ECD: variants seen among roughly 807,000 people sequenced by gnomAD.
The protein encoded by ECD is protein ecdysoneless homolog.
A neutral mutation model predicts 77.2 loss-of-function variants in ECD; 59 were observed. The ratio of observed to expected loss-of-function variants is 0.76; its 90% confidence interval spans 0.62 to 0.95. The LOEUF (loss-of-function observed/expected upper bound fraction) is 0.95. ECD is among the 40% of genes least tolerant of loss of function. The pLI, the probability that ECD is intolerant of heterozygous loss-of-function variation, is 0.00. For synonymous variants in ECD, 233 were observed against 267.4 expected (o/e 0.87, Z 1.26); for missense variants, 704 against 763.4 (o/e 0.92, Z 0.92).
chr10:73,146,325 G>A lies in ECD; in HGVS notation c.1078C>T (p.Leu360=), dbSNP rs1259265477. ...TGGAAGTAATTCTCTGCCATTTCTA[G>A]CCTTTCCCGGTACTGAGCAGAACCT... ...IEGSAQYRER[L]EMAENYFQLS... is the part of the protein sequence containing the mutation. The change falls in exon 9 of 14, where the codon CTA becomes TTA. Residue 360 remains leucine (L), a synonymous_variant. Transcript: ENST00000372979. The A allele has an allele frequency of 1.2e-6, 2 of 1,609,922 alleles. No individual in the cohort carries two copies. The highest frequency in any genetic ancestry group is 1.7e-6 in the Non-Finnish European group (2 of 1,177,746).
At position 73,163,886 on chromosome 10, in the gene ECD, G is replaced by T; in HGVS notation, c.52C>A (p.Leu18Met). The T allele has an allele frequency of 1.2e-6, 2 of 1,614,162 alleles. No homozygotes were observed. Among genetic ancestry groups the T allele is most frequent in the Non-Finnish European group, 1.7e-6 (2 of 1,180,038 alleles). Residue 18 changes from leucine (L) to methionine (M), a missense_variant, in exon 2 of 14, where the codon CTG becomes ATG. By Grantham distance (15) the Leu-to-Met change is conservative (BLOSUM62 2). Around this residue, in one of 3 missense-constraint regions of ECD, gnomAD observed 559 missense variants for 583.7 expected, o/e 0.96. Coordinates refer to ENST00000372979, the MANE Select transcript of ECD (RefSeq NM_007265.3). ...CTTGACTCATCTGGTATCAGGAACA[G>T]GCAGTACTCCACTGTGTCTTCCATC... ...ATMEDTVEYC[L>M]FLIPDESRDS...
At chr10:73,135,675 C>T (rs777368042) in intron 13 of ECD, among the ~76,000 whole-genome samples, 47 of 151,698 alleles carry the variant, frequency 3.1e-4, no homozygotes, top group Non-Finnish European at 5.9e-4. Flanking sequence ...GAGCCAAGAT[C>T]GTGCCACTGT....
At chr10:73,142,903 T>C (rs1344497357) in intron 9 of ECD, among the ~76,000 whole-genome samples, 1 of 152,150 alleles carries the variant, frequency 6.6e-6, no homozygotes, top group Non-Finnish European at 1.5e-5. Context: ...AAAACTTCCT[T>C]AGAAAGGCCT....
chr10:73,153,173 C>T (rs1225383934), intron 6 of ECD, among the ~76,000 whole-genome samples: 3 of 151,898 alleles, frequency 2.0e-5, no homozygotes, highest in Non-Finnish European at 4.4e-5. Context: ...CCACCTTGGC[C>T]TCCCAAACCT....
intron 7 of ECD, 57 bp from the exon 8 acceptor site, chr10:73,148,461 A>G: frequency 1.3e-6 from 2 of 1,576,510 alleles, no homozygotes; most frequent in African/African-American, 2.7e-5. Context: ...GTATCTTATT[A>G]TAACACATTA....
At chr10:73,160,017 G>C (rs1398591763) in intron 3 of ECD, among the ~76,000 whole-genome samples, 1 of 151,590 alleles carries the variant, frequency 6.6e-6, no homozygotes, top group Non-Finnish European at 1.5e-5. Flanking sequence ...GGGCGCGGTG[G>C]CTTACGCCTG....
intron 9 of ECD, among the ~76,000 whole-genome samples, chr10:73,145,523 G>A (rs925591340): frequency 9.2e-5 from 14 of 152,050 alleles, no homozygotes; most frequent in South Asian, 4.1e-4. Flanking sequence ...TTATCCTGGT[G>A]TGCAGAATGG....
rs1351953407 is a variant in ECD, at chr10:73,134,525, G to A, written c.*58C>T. The A allele has an allele frequency of 2.8e-6, 4 of 1,439,358 alleles. No individual in the cohort carries two copies. In the Admixed American group the frequency reaches 6.0e-5, roughly 22 times the overall value. The allele number at this position is 1,439,358 out of a possible 1,614,324, so 89.2% of individuals were successfully genotyped here. ...TAAATGAGTAATCTAAACTAGAAAT[G>A]AACAGAATCATATTCAATATTTATT... On this transcript the variant is annotated 3_prime_UTR_variant, in exon 14 of 14. Transcript: ENST00000372979.
chr10:73,135,378 A>G (rs545094626), intron 13 of ECD, among the ~76,000 whole-genome samples: 3 of 152,168 alleles, frequency 2.0e-5, no homozygotes, highest in South Asian at 2.1e-4. Context: ...TACCCAAAGC[A>G]TTGTCCATGG....
intron 9 of ECD, 73 bp from the exon 10 acceptor site, chr10:73,139,810 T>TATGA: frequency 1.8e-6 from 2 of 1,128,818 alleles, no homozygotes; most frequent in Non-Finnish European, 2.5e-6. Flanking sequence ...ACATAGTATT[T>TATGA]TAAGGTTGGA....
intron 7 of ECD, among the ~76,000 whole-genome samples, chr10:73,148,973 A>C (rs921174665): frequency 1.3e-5 from 2 of 152,174 alleles, no homozygotes; most frequent in African/African-American, 4.8e-5. Flanking sequence ...CTCTGTATGC[A>C]TAGCTTTCTA....
At chr10:73,147,108 A>G (rs978768746) in intron 8 of ECD, among the ~76,000 whole-genome samples, 2 of 145,738 alleles carry the variant, frequency 1.4e-5, no homozygotes, top group Non-Finnish European at 3.0e-5. Context: ...TAGCCAGGCA[A>G]TGGTGGCACA....
At chr10:73,159,351 TG>T (rs1297673342) in intron 3 of ECD, among the ~76,000 whole-genome samples, 2 of 152,258 alleles carry the variant, frequency 1.3e-5, no homozygotes, top group Non-Finnish European at 2.9e-5. Flanking sequence ...AAATTGTTTC[TG>T]TGTATGATTT....
intron 13 of ECD, among the ~76,000 whole-genome samples, chr10:73,135,929 A>G (rs1370097920): frequency 1.3e-5 from 2 of 152,176 alleles, no homozygotes; most frequent in African/African-American, 4.8e-5. Context: ...GGAAGTGACT[A>G]TAGTTTTAAA....
chr10:73,151,270 G>T (rs1843198856), intron 7 of ECD, among the ~76,000 whole-genome samples: 1 of 150,826 alleles, frequency 6.6e-6, no homozygotes, highest in Admixed American at 6.7e-5. Context: ...GCAAACTATT[G>T]CAAGGACAAA....
chr10:73,166,980 G>T (rs1843481538), intron 1 of ECD, among the ~76,000 whole-genome samples: 2 of 152,106 alleles, frequency 1.3e-5, no homozygotes, highest in Non-Finnish European at 2.9e-5. Context: ...ATTTTGACTT[G>T]ATTTTTGTAT....
chr10:73,139,783 G>T, intron 9 of ECD, 46 bp from the exon 10 acceptor site: 2 of 1,298,152 alleles, frequency 1.5e-6, no homozygotes, highest in South Asian at 1.3e-5. Flanking sequence ...AGAGAACATA[G>T]AATAGTAATC....
At chr10:73,141,163 C>T (rs898024782) in intron 9 of ECD, among the ~76,000 whole-genome samples, 2 of 151,898 alleles carry the variant, frequency 1.3e-5, no homozygotes, top group African/African-American at 4.8e-5. Flanking sequence ...GCGGAGGTTG[C>T]AGTGAGCCAG....
rs577493949 is a variant in ECD at position 73,141,185 on chromosome 10, T to C, written c.1128-1448A>G. On this transcript the variant is annotated intron_variant, in intron 9 of 13. Transcript: ENST00000372979. ...TTGCAGTGAGCCAGGATTGTGCCAT[T>C]GCACTCCAGGCTGGGCGACAAGAGC... Among the ~76,000 whole-genome samples, 10 of 152,076 alleles carry C rather than the reference T, an allele frequency of 6.6e-5. 1 individual carries two copies. The highest frequency in any genetic ancestry group is 2.4e-4 in the African/African-American group (10 of 41,492).
Sources: allele counts gnomAD v4.1 joint callset (sites outside exome capture counted in the v4.1 genomes callset), GRCh38; gene constraint gnomAD v4.1.1; regional missense constraint gnomAD v4.1.1; transcripts MANE v1.5; gene names NCBI Gene and HGNC (gene_info 2026-07-23, HGNC 2026-07-21).